The following UBE2G1 variants were observed in gnomAD, a reference collection of about 807,000 sequenced individuals.
The protein encoded by UBE2G1 is ubiquitin-conjugating enzyme E2 G1.
UBE2G1 carries 5 observed loss-of-function variants against 22.7 expected under a neutral mutation model. The observed-to-expected ratio is 0.22, with a 90% CI of 0.12 to 0.46. The LOEUF (loss-of-function observed/expected upper bound fraction) is 0.46, where lower values mean the gene tolerates loss of function less well. Among genes scored for constraint, UBE2G1 ranks in the 20% least tolerant of loss-of-function variants. The probability of loss-of-function intolerance (pLI) is 0.99; values close to 1 mark genes in which losing one functional copy is unlikely to be tolerated. For synonymous variants in UBE2G1, 74 were observed against 67.5 expected (o/e 1.10, Z -0.47); for missense variants, 88 against 203.9 (o/e 0.43, Z 3.46).
chr17:4,326,662 G>A (rs904521071), intron 1 of UBE2G1, among the ~76,000 whole-genome samples: 2 of 152,148 alleles, frequency 1.3e-5, no homozygotes, highest in Non-Finnish European at 2.9e-5. Flanking sequence ...ATTCACAACA[G>A]TCAAAACGTG....
intron 1 of UBE2G1, among the ~76,000 whole-genome samples, chr17:4,315,449 A>C (rs1969355135): frequency 6.6e-6 from 1 of 152,172 alleles, no homozygotes; most frequent in African/African-American, 2.4e-5. Flanking sequence ...TAAGAAAATA[A>C]GCTACTTTTG....
At chr17:4,362,209 G>A (rs1452576616) in intron 1 of UBE2G1, among the ~76,000 whole-genome samples, 1 of 152,144 alleles carries the variant, frequency 6.6e-6, no homozygotes, top group Non-Finnish European at 1.5e-5. Context: ...GTAAGTCATA[G>A]TCTAATAATA....
intron 3 of UBE2G1, among the ~76,000 whole-genome samples, chr17:4,289,649 T>C (rs759972543): frequency 4.6e-5 from 7 of 152,224 alleles, no homozygotes; most frequent in Non-Finnish European, 8.8e-5. Flanking sequence ...TTCATTTATG[T>C]AAAACATGAA....
At chr17:4,274,281 T>C (rs1031853052) in intron 5 of UBE2G1, among the ~76,000 whole-genome samples, 1 of 146,706 alleles carries the variant, frequency 6.8e-6, no homozygotes, top group Non-Finnish European at 1.5e-5. Context: ...CACTGCAAGC[T>C]CCACCTCCCG....
chr17:4,354,060 C>T (rs1329648804), intron 1 of UBE2G1, among the ~76,000 whole-genome samples: 1 of 152,108 alleles, frequency 6.6e-6, no homozygotes, highest in Non-Finnish European at 1.5e-5. Flanking sequence ...TTATCATATA[C>T]TCCAACTACA....
chr17:4,310,273 G>C (rs955438495), intron 1 of UBE2G1, among the ~76,000 whole-genome samples: 9 of 151,872 alleles, frequency 5.9e-5, no homozygotes, highest in African/African-American at 2.2e-4. Flanking sequence ...ACATCTTCTG[G>C]CACTTGACCA....
chr17:4,339,994 T>A (rs1185632719), intron 1 of UBE2G1, among the ~76,000 whole-genome samples: 1 of 152,214 alleles, frequency 6.6e-6, no homozygotes, highest in Non-Finnish European at 1.5e-5. Flanking sequence ...AGTGCAGTGG[T>A]GCAGTCATAG....
chr17:4,356,052 A>T (rs1240467579), intron 1 of UBE2G1, among the ~76,000 whole-genome samples: 1 of 133,856 alleles, frequency 7.5e-6, no homozygotes, highest in African/African-American at 3.3e-5. Flanking sequence ...TTCACTTTAA[A>T]AAAAAAAAAA....
chr17:4,295,547 T>C (rs1254383395), intron 3 of UBE2G1, among the ~76,000 whole-genome samples: 1 of 152,230 alleles, frequency 6.6e-6, no homozygotes, highest in Admixed American at 6.5e-5. Flanking sequence ...CTAATCTATA[T>C]GTTTCTATTC....
At chr17:4,317,806 T>C in intron 1 of UBE2G1, among the ~76,000 whole-genome samples, 1 of 152,228 alleles carries the variant, frequency 6.6e-6, no homozygotes, top group Non-Finnish European at 1.5e-5. Flanking sequence ...TTGTTGCTTG[T>C]GCATAAATTA....
At chr17:4,320,420 A>G (rs1969424211) in intron 1 of UBE2G1, among the ~76,000 whole-genome samples, 1 of 152,180 alleles carries the variant, frequency 6.6e-6, no homozygotes, top group Non-Finnish European at 1.5e-5. Context: ...AATTTCTTCA[A>G]TATTACCTTA....
intron 4 of UBE2G1, among the ~76,000 whole-genome samples, chr17:4,286,171 G>A (rs542285101): frequency 2.0e-5 from 3 of 152,266 alleles, no homozygotes; most frequent in African/African-American, 7.2e-5. Context: ...TTGGGAAGCC[G>A]AGGTGAGTGG....
intron 2 of UBE2G1, among the ~76,000 whole-genome samples, chr17:4,300,078 GCCTA>G (rs1380988810): frequency 4.3e-5 from 3 of 69,428 alleles, no homozygotes; most frequent in African/African-American, 4.5e-5. Flanking sequence ...ACCGCACCTG[GCCTA>G]CCTGCTTTTT....
chr17:4,270,649 A>T lies in UBE2G1; in HGVS notation c.*1905T>A, dbSNP rs1344741990. On this transcript the variant is annotated 3_prime_UTR_variant, in exon 6 of 6. Transcript: ENST00000396981. ...CAACTATTTTTACAGTCTTTGGAAA[A>T]GGAAAAAAAAAACCAAGTCACAAAG... 1.1e-5 allele frequency: 1 copy of T among 95,048 alleles called. No individual in the cohort carries two copies. Among genetic ancestry groups the T allele is most frequent in the East Asian group, 5.4e-4 (1 of 1,852 alleles). 5.9% of individuals were successfully genotyped at this position (95,048 alleles called of 1,614,324 possible).
chr17:4,311,522 A>C (rs1350089672), intron 1 of UBE2G1, among the ~76,000 whole-genome samples: 2 of 152,278 alleles, frequency 1.3e-5, no homozygotes, highest in Non-Finnish European at 2.9e-5. Context: ...AGGCTAAGTT[A>C]AAGAAGCAGA....
chr17:4,333,428 G>C (rs1013411184), intron 1 of UBE2G1, among the ~76,000 whole-genome samples: 1 of 152,142 alleles, frequency 6.6e-6, no homozygotes, highest in Non-Finnish European at 1.5e-5. Flanking sequence ...TGTGATCCCA[G>C]CACTTGGGAG....
intron 4 of UBE2G1, 99 bp downstream of exon 4, chr17:4,289,129 ACG>A: frequency 1.1e-6 from 1 of 933,140 alleles, no homozygotes; most frequent in Non-Finnish European, 1.5e-6. Flanking sequence ...ACACACACAC[ACG>A]CATGCATACA....
At chr17:4,319,100 G>A (rs1969407926) in intron 1 of UBE2G1, among the ~76,000 whole-genome samples, 1 of 152,034 alleles carries the variant, frequency 6.6e-6, no homozygotes, top group Admixed American at 6.6e-5. Context: ...AATAAACAAA[G>A]GAGATTTACA....
chr17:4,320,123 T>C (rs1291906373), intron 1 of UBE2G1, among the ~76,000 whole-genome samples: 1 of 152,142 alleles, frequency 6.6e-6, no homozygotes, highest in East Asian at 1.9e-4. Context: ...ATTTTCTGTA[T>C]TGTCGTAATT....
Sources: allele counts gnomAD v4.1 joint callset (sites outside exome capture counted in the v4.1 genomes callset), GRCh38; gene constraint gnomAD v4.1.1; transcripts MANE v1.5; gene names NCBI Gene and HGNC (gene_info 2026-07-23, HGNC 2026-07-21).